The following PXMP2 variants were observed in gnomAD, a reference collection of about 807,000 sequenced individuals.
PXMP2 encodes 22 kDa peroxisomal membrane protein.
Under a neutral mutation model 20.2 loss-of-function variants are expected in PXMP2, and 13 were observed. The ratio of observed to expected loss-of-function variants is 0.64; its 90% confidence interval spans 0.42 to 1.02. The LOEUF is 1.02. PXMP2 is among the 50% of genes least tolerant of loss of function. The pLI is 0.00. For missense variants in PXMP2, 284 were observed against 251.8 expected (o/e 1.13, Z -0.87); for synonymous variants, 113 against 111.2 (o/e 1.02, Z -0.10).
At chr12:132,698,871 C>T (rs2043423922) in intron 3 of PXMP2, among the ~76,000 whole-genome samples, 1 of 152,166 alleles carries the variant, frequency 6.6e-6, no homozygotes, top group African/African-American at 2.4e-5. Flanking sequence ...AAGTGATATG[C>T]CCACCTTGGC....
Position 132,695,740 on chromosome 12 carries a change from G to A in PXMP2, c.237-144G>A, listed in dbSNP as rs74573234. 546 of 726,150 alleles carry A rather than the reference G, an allele frequency of 7.5e-4. 1 individual carries two copies. In the African/African-American group the frequency reaches 8.4e-3, roughly 11 times the overall value. The allele number at this position is 726,150 out of a possible 1,614,324, so 45.0% of individuals were successfully genotyped here. A position where few individuals can be genotyped will look rare whatever the true frequency, so the allele number is the denominator to read the frequency against. ...ACAGAGACAGAGCGCCCCTGAAGCCGACTTATCTGTACAGACCTGTGTGGC... is the reference window on the plus strand; with the variant it reads ...ACAGAGACAGAGCGCCCCTGAAGCCAACTTATCTGTACAGACCTGTGTGGC... On this transcript the variant is annotated intron_variant, in intron 2 of 4. Transcript: ENST00000317479.
chr12:132,688,183 G>T, intron 1 of PXMP2: 1 of 190,510 alleles, frequency 5.2e-6, no homozygotes, highest in South Asian at 6.8e-5. Flanking sequence ...CAGGGCGAGG[G>T]GAGCGGGTCT....
chr12:132,703,440 C>G (rs1051719617), intron 4 of PXMP2, among the ~76,000 whole-genome samples: 9 of 152,048 alleles, frequency 5.9e-5, no homozygotes, highest in African/African-American at 2.2e-4. Flanking sequence ...TCTGCGGGGT[C>G]CCCTAAGGAG....
In PXMP2 at chr12:132,687,653, C is replaced by T; in HGVS notation, c.-18C>T. On this transcript the variant is annotated 5_prime_UTR_variant, in exon 1 of 5. Transcript: ENST00000317479. The stretch of plus-strand genomic sequence containing the variant: ...GAGGTGGGGTCGGTGCCCCCGGCGG[C>T]ACGGCGCTGGGGAGGCGATGGCGCC... 8.7e-7 allele frequency: 1 copy of T among 1,155,182 alleles called. No individual in the cohort carries two copies. Among genetic ancestry groups the T allele is most frequent in the Non-Finnish European group, 1.1e-6 (1 of 940,526 alleles). The allele number at this position is 1,155,182 out of a possible 1,614,324, so 71.6% of individuals were successfully genotyped here. A position where few individuals can be genotyped will look rare whatever the true frequency, so the allele number is the denominator to read the frequency against.
chr12:132,689,202 G>A (rs868844881), intron 1 of PXMP2, among the ~76,000 whole-genome samples: 4 of 145,000 alleles, frequency 2.8e-5, no homozygotes, highest in African/African-American at 7.8e-5. Context: ...CCAAGGGAGC[G>A]GGTCTGCGTG....
At chr12:132,693,006 G>T (rs1424119681) in intron 2 of PXMP2, among the ~76,000 whole-genome samples, 47 of 72,292 alleles carry the variant, frequency 6.5e-4, no homozygotes, top group Admixed American at 1.2e-3. Flanking sequence ...GTTAGTGAGC[G>T]CCCTTGCCAG....
At chr12:132,701,223 TCAC>T in intron 3 of PXMP2, 24 bp from the exon 4 acceptor site, 1 of 1,613,244 alleles carries the variant, frequency 6.2e-7, no homozygotes, top group Non-Finnish European at 8.5e-7. Context: ...GTGAGACTGT[TCAC>T]CACCCGCCTT....
rs78656479 is a variant in PXMP2, at chr12:132,692,516, T to G, written c.236+2140T>G. ...TCCCTTAGCCAGTTAGTTAGTGAGCTCCCTTGCCAGTTAGTTAGTGAGCGC... is the reference window on the plus strand; with the variant it reads ...TCCCTTAGCCAGTTAGTTAGTGAGCGCCCTTGCCAGTTAGTTAGTGAGCGC... On this transcript the variant is annotated intron_variant, in intron 2 of 4. Transcript: ENST00000317479. 2.2e-4 allele frequency among the ~76,000 whole-genome samples: 17 copies of G among 77,716 alleles called. 1 individual carries two copies. The East Asian group carries it at 3.2e-3, about 15-fold the overall frequency. The allele number at this position is 77,716 out of a possible 152,430, so 51.0% of individuals were successfully genotyped here.
chr12:132,693,731 TGCC>T (rs2043388153), intron 2 of PXMP2, among the ~76,000 whole-genome samples: 6 of 71,126 alleles, frequency 8.4e-5, no homozygotes, highest in South Asian at 4.8e-4. Flanking sequence ...TGAGCTCCCT[TGCC>T]AGTTAGTTAG....
chr12:132,692,264 T>C (rs2043373279), intron 2 of PXMP2, among the ~76,000 whole-genome samples: 1 of 148,788 alleles, frequency 6.7e-6, no homozygotes, highest in South Asian at 2.2e-4. Flanking sequence ...AGTTAGTTAG[T>C]GAGCTCCCTT....
chr12:132,699,088 C>T (rs574801343), intron 3 of PXMP2, among the ~76,000 whole-genome samples: 151 of 152,088 alleles, frequency 9.9e-4, no homozygotes, highest in Non-Finnish European at 1.9e-3. Flanking sequence ...CTCTTCTCCC[C>T]GCCACCTTTT....
rs1426793242 is a variant in PXMP2, at chr12:132,701,278, A to G, written c.428A>G (p.Lys143Arg). ...EGKDASAFAAKMRGGFWPALR... is the reference protein window; with the variant it reads ...EGKDASAFAARMRGGFWPALR... ...AAAGACGCCTCAGCCTTCGCCGCCA[A>G]GATGAGGGGGGGCTTCTGGCCGGCG... is the stretch of plus-strand genomic sequence containing the variant. Residue 143 changes from lysine (K) to arginine (R), a missense_variant, in exon 4 of 5, where the codon AAG becomes AGG. By Grantham distance (26) the Lys-to-Arg change is conservative (BLOSUM62 2). Transcript: ENST00000317479. 1.5e-5 allele frequency: 24 copies of G among 1,613,010 alleles called. No individual in the cohort carries two copies. Among genetic ancestry groups the G allele is most frequent in the Non-Finnish European group, 2.0e-5 (24 of 1,179,782 alleles).
rs529562240 is a variant in PXMP2 at position 132,701,283 on chromosome 12, AG to A, written c.440del (p.Gly147AlafsTer6). 5.0e-6 allele frequency: 8 copies of A among 1,612,496 alleles called. No homozygotes were observed. Among genetic ancestry groups the A allele is most frequent in the Admixed American group, 1.7e-5 (1 of 59,706 alleles). On this transcript the variant is annotated frameshift_variant, in exon 4 of 5. Coordinates refer to ENST00000317479, the MANE Select transcript of PXMP2 (RefSeq NM_018663.3). LOFTEE classifies it high-confidence loss of function. ...KDASAFAAKM[R>X]GGFWPALRMN... ...CGCCTCAGCCTTCGCCGCCAAGATG[AG>A]GGGGGGCTTCTGGCCGGCGCTGAGG... is the stretch of plus-strand genomic sequence containing the variant.
chr12:132,695,267 C>CCT (rs1298902073), intron 2 of PXMP2, among the ~76,000 whole-genome samples: 1 of 151,534 alleles, frequency 6.6e-6, no homozygotes, highest in African/African-American at 2.4e-5. Context: ...TAGTGAGTGC[C>CCT]CTTGCCAGTT....
At position 132,704,723 on chromosome 12, in the gene PXMP2, T is replaced by C. The variant is rs2043460993; in HGVS notation, c.*36T>C. 6.3e-7 allele frequency: 1 copy of C among 1,587,494 alleles called. No homozygotes were observed. The highest frequency in any genetic ancestry group is 1.3e-5 in the African/African-American group (1 of 74,158). ...GAGAACATCAGGTGCACTGTGGACGTGGGTCTGGGGGTCTCACCCGCCCAG... is the reference window on the plus strand; with the variant it reads ...GAGAACATCAGGTGCACTGTGGACGCGGGTCTGGGGGTCTCACCCGCCCAG... On this transcript the variant is annotated 3_prime_UTR_variant, in exon 5 of 5. Transcript: ENST00000317479.
chr12:132,692,137 T>TAGTTAGTGAGCTCCCTTAGCC (rs2043371969), intron 2 of PXMP2, among the ~76,000 whole-genome samples: 1 of 66,876 alleles, frequency 1.5e-5, no homozygotes, highest in African/African-American at 3.8e-5. Context: ...CTTAGCCAGT[T>TAGTTAGTGAGCTCCCTTAGCC]AGTTAGTGAG....
chr12:132,687,691 GC>G lies in PXMP2; in HGVS notation c.22del (p.Leu8CysfsTer47). The stretch of plus-strand genomic sequence containing the variant: ...AGGCGATGGCGCCGGCCGCGTCCAG[GC>G]TGCGGGCCGAAGCCGGGCTCGGGGC... MAPAASR[L>X]RAEAGLGALP... On this transcript the variant is annotated frameshift_variant, in exon 1 of 5. Coordinates refer to ENST00000317479, the MANE Select transcript of PXMP2 (RefSeq NM_018663.3). LOFTEE classifies it high-confidence loss of function. 2 of 1,185,110 alleles carry G rather than the reference GC, an allele frequency of 1.7e-6. No homozygotes were observed. The highest frequency in any genetic ancestry group is 2.1e-6 in the Non-Finnish European group (2 of 962,304). The allele number at this position is 1,185,110 out of a possible 1,614,324, so 73.4% of individuals were successfully genotyped here.
intron 4 of PXMP2, 109 bp downstream of exon 4, chr12:132,701,478 CTTCTT>C: frequency 1.4e-6 from 2 of 1,386,484 alleles, no homozygotes; most frequent in Non-Finnish European, 1.9e-6. Flanking sequence ...TTTCTCTTCT[CTTCTT>C]TCTTTGGTAG....
At chr12:132,698,012 CT>C (rs1434779260) in intron 3 of PXMP2, among the ~76,000 whole-genome samples, 378 of 140,194 alleles carry the variant, frequency 2.7e-3, no homozygotes, top group Middle Eastern at 7.5e-3. Flanking sequence ...GACGTGTCAC[CT>C]TTTTTTTTTT....
Sources: allele counts gnomAD v4.1 joint callset (sites outside exome capture counted in the v4.1 genomes callset), GRCh38; gene constraint gnomAD v4.1.1; transcripts MANE v1.5; gene names NCBI Gene and HGNC (gene_info 2026-07-23, HGNC 2026-07-21).